ANKRD13B: variants seen among roughly 807,000 people sequenced by gnomAD.
ANKRD13B encodes the protein ankyrin repeat domain-containing protein 13B.
ANKRD13B carries 33 observed loss-of-function variants against 74.4 expected under a neutral mutation model. The ratio of observed to expected loss-of-function variants is 0.44; its 90% CI spans 0.34 to 0.59. The LOEUF is 0.59. ANKRD13B is among the 20% of genes least tolerant of loss of function. The probability of loss-of-function intolerance (pLI) is 0.02; values close to 1 mark genes in which losing one functional copy is unlikely to be tolerated. For missense variants in ANKRD13B, 676 were observed against 877.9 expected (o/e 0.77, Z 2.91); for synonymous variants, 341 against 362.9 (o/e 0.94, Z 0.68).
chr17:29,594,330 G>C (rs1268123936), intron 1 of ANKRD13B, among the ~76,000 whole-genome samples: 2 of 152,328 alleles, frequency 1.3e-5, no homozygotes, highest in East Asian at 3.9e-4. Context: ...GCTGAAAAGC[G>C]CTCTCCTGCC....
At chr17:29,594,010 G>A in intron 1 of ANKRD13B, 1 of 195,818 alleles carries the variant, frequency 5.1e-6, no homozygotes, top group East Asian at 1.1e-4. Context: ...GAGGGGCTGC[G>A]GGCTGTGTCG....
At position 29,613,683 on chromosome 17, in the gene ANKRD13B, C is replaced by G; in HGVS notation, c.*101C>G. ...GCGCCTGCAGAGCGGCGGCTGGAGA[C>G]TGGAGCCACCGCCTCGCGGGTGCAG... On this transcript the variant is annotated 3_prime_UTR_variant, in exon 15 of 15. Coordinates refer to ENST00000394859, the MANE Select transcript of ANKRD13B (RefSeq NM_152345.5). The G allele has an allele frequency of 1.5e-6, 2 of 1,368,144 alleles. No homozygotes were observed. The highest frequency in any genetic ancestry group is 1.9e-6 in the Non-Finnish European group (2 of 1,064,136). 84.8% of individuals were successfully genotyped at this position (1,368,144 alleles called of 1,614,324 possible). A position where few individuals can be genotyped will look rare whatever the true frequency, so the allele number is the denominator to read the frequency against.
At chr17:29,595,901 G>T (rs1305482890) in intron 1 of ANKRD13B, among the ~76,000 whole-genome samples, 2 of 152,148 alleles carry the variant, frequency 1.3e-5, no homozygotes, top group Non-Finnish European at 2.9e-5. Flanking sequence ...CCAGAGTGAG[G>T]CTTGTATCCA....
intron 14 of ANKRD13B, 94 bp from the exon 15 acceptor site, chr17:29,613,260 C>T: frequency 7.2e-7 from 1 of 1,391,636 alleles, no homozygotes; most frequent in Non-Finnish European, 9.3e-7. Context: ...AGGGTGGTGG[C>T]CGCGGGCCGC....
rs954790821 is a variant in ANKRD13B, at chr17:29,593,410, CCCG to C, written c.-200_-198del. 4.1e-5 allele frequency: 6 copies of C among 146,560 alleles called. No homozygotes were observed. In the South Asian group the frequency reaches 5.6e-4, roughly 14 times the overall value. The allele number at this position is 146,560 out of a possible 1,614,324, so 9.1% of individuals were successfully genotyped here. A position where few individuals can be genotyped will look rare whatever the true frequency, so the allele number is the denominator to read the frequency against. Reference sequence around the variant, plus strand: ...GGCGGGTGGGGGCCTCTCCGCGCCGCCCGCCGCCGCCGCCTCGCGAGGACGCCC... The same window carrying C: ...GGCGGGTGGGGGCCTCTCCGCGCCGCCCGCCGCCGCCTCGCGAGGACGCCC... On this transcript the variant is annotated 5_prime_UTR_variant, in exon 1 of 15. Transcript: ENST00000394859.
intron 7 of ANKRD13B, among the ~76,000 whole-genome samples, chr17:29,610,320 C>T (rs2034538411): frequency 6.6e-6 from 1 of 152,040 alleles, no homozygotes; most frequent in African/African-American, 2.4e-5. Context: ...TCCCCTGCTT[C>T]TGTAGTCTGG....
intron 1 of ANKRD13B, among the ~76,000 whole-genome samples, chr17:29,600,128 G>A (rs1036911279): frequency 5.9e-5 from 9 of 152,002 alleles, no homozygotes; most frequent in South Asian, 2.1e-4. Flanking sequence ...CGCCCACCTC[G>A]GCCTCCCAAA....
At chr17:29,600,874 G>A (rs943757696) in intron 1 of ANKRD13B, among the ~76,000 whole-genome samples, 2 of 151,350 alleles carry the variant, frequency 1.3e-5, no homozygotes, top group Non-Finnish European at 2.9e-5. Context: ...TTTCTCATCT[G>A]CTGACATCTC....
chr17:29,612,410 A>G lies in ANKRD13B; in HGVS notation c.1267A>G (p.Ile423Val). 1 of 1,612,476 alleles carries G rather than the reference A, an allele frequency of 6.2e-7. No individual in the cohort carries two copies. Among genetic ancestry groups the G allele is most frequent in the East Asian group, 2.2e-5 (1 of 44,832 alleles). Residue 423 changes from isoleucine (I) to valine (V), a missense_variant, in exon 12 of 15, where the codon ATC (isoleucine) becomes GTC (valine). Ile to Val is a conservative substitution (Grantham distance 29, BLOSUM62 3). This residue lies in a region of ANKRD13B where 328 missense variants were observed against 518.4 expected (regional missense o/e 0.63). Coordinates refer to ENST00000394859, the MANE Select transcript of ANKRD13B (RefSeq NM_152345.5). This position sits in a 1 kb window ranked among gnomAD's most constrained non-coding sequence, Gnocchi z 6.1. The stretch of plus-strand genomic sequence containing the variant: ...GGTTTCCTCATCCTCAGAAATCCCG[A>G]TCTTCCACATCCTCAACGCCCGCAT... ...PGFPVKIEIP[I>V]FHILNARITF...
rs2034467329 is a variant in ANKRD13B, at chr17:29,608,472, C to T, written c.421+232C>T. Among the ~76,000 whole-genome samples, 1 of 152,226 alleles carries T rather than the reference C, an allele frequency of 6.6e-6. No individual in the cohort carries two copies. The highest frequency in any genetic ancestry group is 2.4e-5 in the African/African-American group (1 of 41,446). ...TGCTTACTGTATTCATGACCTGCCG[C>T]TCCTTGTTAGAAGGTAAGCTCTGAG... On this transcript the variant is annotated intron_variant, in intron 4 of 14. Transcript: ENST00000394859. The surrounding 1 kb of genome is among the most constrained non-coding windows in gnomAD (Gnocchi z 6.4).
chr17:29,599,734 C>G (rs1282616539), intron 1 of ANKRD13B, among the ~76,000 whole-genome samples: 5 of 151,852 alleles, frequency 3.3e-5, no homozygotes, highest in Non-Finnish European at 5.9e-5. Context: ...CCAGGCTGTC[C>G]CATTTTGTTT....
chr17:29,613,017 A>C (rs746582065), intron 14 of ANKRD13B, 54 bp downstream of exon 14: 2 of 1,561,316 alleles, frequency 1.3e-6, no homozygotes, highest in Non-Finnish European at 8.6e-7. Context: ...TGTCTCCCCT[A>C]AGCCAGGACA....
Position 29,612,365 on chromosome 17 carries a change from G to C in ANKRD13B, c.1259-37G>C, listed in dbSNP as rs1166763492. ...TGGGGCTGAGGCTGAGGTGTGAGGG[G>C]CTGAGTGGTGGCGCCTAAAGGTTTC... On this transcript the variant is annotated intron_variant, in intron 11 of 14. Coordinates refer to ENST00000394859, the MANE Select transcript of ANKRD13B (RefSeq NM_152345.5). This position sits in a 1 kb window ranked among gnomAD's most constrained non-coding sequence, Gnocchi z 6.1. The C allele has an allele frequency of 1.2e-5, 19 of 1,611,922 alleles. No individual in the cohort carries two copies. The highest frequency in any genetic ancestry group is 1.6e-5 in the Non-Finnish European group (19 of 1,178,498).
intron 1 of ANKRD13B, among the ~76,000 whole-genome samples, chr17:29,597,376 G>C (rs1057421118): frequency 2.0e-5 from 3 of 152,150 alleles, no homozygotes; most frequent in Non-Finnish European, 4.4e-5. Context: ...AAGGGCACAC[G>C]TGAGTACCTA....
At position 29,613,491 on chromosome 17, in the gene ANKRD13B, C is replaced by CGGCGCA. The variant is rs2034685721; in HGVS notation, c.1793_1798dup (p.Ala598_Gln599dup). ...CAGCTGCGGCTGGCGATGGAACTGT[C>CGGCGCA]GGCGCAGGAGCAGGAGGAGAGGCGG... is the stretch of plus-strand genomic sequence containing the variant. On this transcript the variant is annotated inframe_insertion, in exon 15 of 15. Coordinates refer to ENST00000394859, the MANE Select transcript of ANKRD13B (RefSeq NM_152345.5). 1 of 1,532,366 alleles carries CGGCGCA rather than the reference C, an allele frequency of 6.5e-7. No homozygotes were observed. Among genetic ancestry groups the CGGCGCA allele is most frequent in the Non-Finnish European group, 8.8e-7 (1 of 1,141,528 alleles). 94.9% of individuals were successfully genotyped at this position (1,532,366 alleles called of 1,614,324 possible). A position where few individuals can be genotyped will look rare whatever the true frequency, so the allele number is the denominator to read the frequency against.
Position 29,613,436 on chromosome 17 carries a change from G to C in ANKRD13B, c.1735G>C (p.Gly579Arg), listed in dbSNP as rs2034682292. The change falls in exon 15 of 15, where the codon GGC (glycine) becomes CGC (arginine). Residue 579 changes from glycine to arginine, a missense_variant. Physicochemically the swap from Gly to Arg is moderately radical, Grantham distance 125. Transcript: ENST00000394859. Reference protein sequence around the residue: ...SPRPSSGPGSGGHVFRSYDEQ... With the variant: ...SPRPSSGPGSRGHVFRSYDEQ... ...TCGGCCCAGCTCAGGGCCAGGTTCC[G>C]GCGGCCACGTGTTCCGGAGCTACGA... is the stretch of plus-strand genomic sequence containing the variant. 1.3e-6 allele frequency: 2 copies of C among 1,530,338 alleles called. No homozygotes were observed. Among genetic ancestry groups the C allele is most frequent in the African/African-American group, 2.8e-5 (2 of 70,622 alleles). The allele number at this position is 1,530,338 out of a possible 1,614,324, so 94.8% of individuals were successfully genotyped here. A position where few individuals can be genotyped will look rare whatever the true frequency, so the allele number is the denominator to read the frequency against.
At chr17:29,599,793 G>C (rs1252385045) in intron 1 of ANKRD13B, among the ~76,000 whole-genome samples, 1 of 129,238 alleles carries the variant, frequency 7.7e-6, no homozygotes, top group African/African-American at 2.9e-5. Context: ...GTAAATTACT[G>C]TTTTCCCCCA....
rs2150897306 is a variant in ANKRD13B, at chr17:29,608,947, A to G, written c.518A>G (p.His173Arg). The G allele has an allele frequency of 6.2e-7, 1 of 1,614,160 alleles. No individual in the cohort carries two copies. The highest frequency in any genetic ancestry group is 2.2e-5 in the East Asian group (1 of 44,886). ...RVDTTLLGFD[H>R]MTWQRGNRSF... ...GACACCACACTCCTGGGCTTTGACC[A>G]CATGACCTGGCAGCGAGGGAACCGC... Residue 173 changes from histidine to arginine, a missense_variant, in exon 5 of 15, where the codon CAC becomes CGC. Around this residue, in one of 4 missense-constraint regions of ANKRD13B, gnomAD observed 328 missense variants for 518.4 expected, o/e 0.63. Coordinates refer to ENST00000394859, the MANE Select transcript of ANKRD13B (RefSeq NM_152345.5). This position sits in a 1 kb window ranked among gnomAD's most constrained non-coding sequence, Gnocchi z 6.4.
rs958905427 is a variant in ANKRD13B, at chr17:29,613,422, C to T, written c.1721C>T (p.Ser574Leu). 4 of 1,526,620 alleles carry T rather than the reference C, an allele frequency of 2.6e-6. No individual in the cohort carries two copies. The highest frequency in any genetic ancestry group is 2.6e-5 in the East Asian group (1 of 38,352). The allele number at this position is 1,526,620 out of a possible 1,614,324, so 94.6% of individuals were successfully genotyped here. ...PASVPSPRPSSGPGSGGHVFR... is the reference protein window; with the variant it reads ...PASVPSPRPSLGPGSGGHVFR... Reference sequence around the variant, plus strand: ...TCAGTGCCCAGCCCTCGGCCCAGCTCAGGGCCAGGTTCCGGCGGCCACGTG... The same window carrying T: ...TCAGTGCCCAGCCCTCGGCCCAGCTTAGGGCCAGGTTCCGGCGGCCACGTG... The change falls in exon 15 of 15, where the codon TCA becomes TTA. Residue 574 changes from serine (S) to leucine (L), a missense_variant. By Grantham distance (145) the Ser-to-Leu change is moderately radical. Coordinates refer to ENST00000394859, the MANE Select transcript of ANKRD13B (RefSeq NM_152345.5).
Sources: gnomAD v4.1 joint callset for allele counts (sites outside exome capture counted in the v4.1 genomes callset) on GRCh38, gnomAD v4.1.1 for gene constraint, gnomAD v4.1.1 regional missense constraint, Gnocchi (gnomAD v3.1) non-coding constraint, MANE v1.5 for transcripts, NCBI Gene and HGNC (gene_info 2026-07-23, HGNC 2026-07-21) for gene names.